The following KCNH5 variants were observed in gnomAD, a reference collection of about 807,000 sequenced individuals.
The protein encoded by KCNH5 is potassium voltage-gated channel subfamily H member 5.
In KCNH5, 46 loss-of-function variants were observed where a neutral mutation model predicts 96.1. The ratio of observed to expected loss-of-function variants is 0.48; its 90% confidence interval spans 0.38 to 0.61. The LOEUF is 0.61. KCNH5 is among the 20% of genes least tolerant of loss of function. The probability of loss-of-function intolerance (pLI) is 0.00; values close to 1 mark genes in which losing one functional copy is unlikely to be tolerated. For missense variants in KCNH5, 907 were observed against 1,225.8 expected (o/e 0.74, Z 3.88); for synonymous variants, 439 against 449.8 (o/e 0.98, Z 0.30).
chr14:62,840,566 C>CTTTTTTTTTTTTTTTTTTTTT (rs71120238), intron 8 of KCNH5, among the ~76,000 whole-genome samples: 7 of 76,366 alleles, frequency 9.2e-5, no homozygotes, highest in African/African-American at 1.2e-4. Flanking sequence ...TCTTTTTTTT[C>CTTTTTTTTTTTTTTTTTTTTT]TTTTTTTTTT....
chr14:62,908,079 C>T (rs896855768), intron 7 of KCNH5, among the ~76,000 whole-genome samples: 3 of 152,130 alleles, frequency 2.0e-5, no homozygotes, highest in African/African-American at 7.2e-5. Context: ...ACTACACAAA[C>T]TTTTGTGGGT....
chr14:62,935,124 C>A (rs1447746927), intron 7 of KCNH5, among the ~76,000 whole-genome samples: 1 of 152,112 alleles, frequency 6.6e-6, no homozygotes, highest in Non-Finnish European at 1.5e-5. Flanking sequence ...TAGCTCTGTA[C>A]AGAAAAATGA....
chr14:62,979,173 A>C (rs1456558766), intron 6 of KCNH5, among the ~76,000 whole-genome samples: 1 of 152,166 alleles, frequency 6.6e-6, no homozygotes, highest in Non-Finnish European at 1.5e-5. Flanking sequence ...CTAAAATCTC[A>C]ATGTATTAAT....
chr14:62,875,782 C>T (rs747649659), intron 7 of KCNH5, among the ~76,000 whole-genome samples: 21 of 151,976 alleles, frequency 1.4e-4, no homozygotes, highest in Admixed American at 2.6e-4. Context: ...TTTGGGAGGC[C>T]GAGGCAAGTG....
chr14:62,963,184 T>C (rs1448246898), intron 6 of KCNH5, among the ~76,000 whole-genome samples: 1 of 152,162 alleles, frequency 6.6e-6, no homozygotes, highest in Non-Finnish European at 1.5e-5. Context: ...CAGTACATTA[T>C]AGTAATTCTT....
Position 62,826,052 on chromosome 14 carries a change from A to G in KCNH5, c.1570-23471T>C, listed in dbSNP as rs149059601. On this transcript the variant is annotated intron_variant, in intron 8 of 10. Transcript: ENST00000322893. ...CTGTAGCTTACTGACTTTAATGTTT[A>G]AGTTACCTACATCCATTCTTATTTT... Among the ~76,000 whole-genome samples, 32 of 152,240 alleles carry G rather than the reference A, an allele frequency of 2.1e-4. No individual in the cohort carries two copies. In the East Asian group the frequency reaches 6.0e-3, roughly 28 times the overall value.
At chr14:63,036,771 G>A (rs893977865) in intron 1 of KCNH5, among the ~76,000 whole-genome samples, 1 of 152,076 alleles carries the variant, frequency 6.6e-6, no homozygotes, top group Non-Finnish European at 1.5e-5. Context: ...GAGGAGGGAG[G>A]AGGAGAGGAA....
chr14:62,854,927 G>A (rs112715828), intron 7 of KCNH5, among the ~76,000 whole-genome samples: 71 of 149,788 alleles, frequency 4.7e-4, no homozygotes, highest in African/African-American at 1.7e-3. Flanking sequence ...TCCATTGAGA[G>A]GCAAGGTCTA....
chr14:62,703,405 T>A lies in KCNH5; in HGVS notation c.*4103A>T, dbSNP rs189033717. The A allele has an allele frequency of 6.6e-6, 1 of 152,020 alleles. No individual in the cohort carries two copies. The highest frequency in any genetic ancestry group is 2.4e-5 in the African/African-American group (1 of 41,570). 9.4% of individuals were successfully genotyped at this position (152,020 alleles called of 1,614,324 possible). On this transcript the variant is annotated 3_prime_UTR_variant, in exon 11 of 11. Transcript: ENST00000322893. ...ATGAAAGAATGAAAAAGTGATCACT[T>A]GTCATAATGTGATTTTCACCTGCAA...
At chr14:62,761,557 C>T (rs912125100) in intron 10 of KCNH5, among the ~76,000 whole-genome samples, 2 of 152,044 alleles carry the variant, frequency 1.3e-5, no homozygotes, top group African/African-American at 4.8e-5. Context: ...ACTGTATGAT[C>T]AAATTTAGAT....
chr14:62,709,900 C>A (rs1005503250), intron 10 of KCNH5, among the ~76,000 whole-genome samples: 26 of 152,124 alleles, frequency 1.7e-4, no homozygotes, highest in Admixed American at 6.6e-5. Flanking sequence ...CAGAATCAGA[C>A]AATTTTATCA....
chr14:62,834,926 GC>G (rs1887434979), intron 8 of KCNH5, among the ~76,000 whole-genome samples: 1 of 151,816 alleles, frequency 6.6e-6, no homozygotes. Context: ...ACCCATAAAA[GC>G]TAAACTGTTT....
At chr14:62,979,029 T>G (rs981356848) in intron 6 of KCNH5, among the ~76,000 whole-genome samples, 20 of 152,186 alleles carry the variant, frequency 1.3e-4, no homozygotes, top group African/African-American at 4.8e-4. Context: ...AACTGAAGTT[T>G]TGTATTCTTC....
chr14:62,723,297 C>CA (rs1884855251), intron 10 of KCNH5, among the ~76,000 whole-genome samples: 2 of 151,982 alleles, frequency 1.3e-5, no homozygotes, highest in African/African-American at 4.8e-5. Flanking sequence ...TTCACTGTTA[C>CA]AAAAAACAGG....
At chr14:63,026,926 A>G (rs368771640) in intron 1 of KCNH5, among the ~76,000 whole-genome samples, 2 of 152,110 alleles carry the variant, frequency 1.3e-5, no homozygotes, top group African/African-American at 4.8e-5. Flanking sequence ...TCCACTATTT[A>G]CAGTAGCTAA....
intron 6 of KCNH5, among the ~76,000 whole-genome samples, chr14:62,969,426 G>C (rs997089528): frequency 3.9e-5 from 6 of 152,060 alleles, no homozygotes; most frequent in African/African-American, 1.4e-4. Flanking sequence ...TTGAAAATAG[G>C]ACATAAATTT....
intron 10 of KCNH5, among the ~76,000 whole-genome samples, chr14:62,744,482 A>G (rs1267475539): frequency 1.3e-5 from 2 of 152,212 alleles, no homozygotes; most frequent in Admixed American, 1.3e-4. Flanking sequence ...TACTTCCATC[A>G]TATCAGTTAT....
At chr14:62,797,901 G>A (rs1886573087) in intron 9 of KCNH5, among the ~76,000 whole-genome samples, 1 of 151,866 alleles carries the variant, frequency 6.6e-6, no homozygotes, top group African/African-American at 2.4e-5. Flanking sequence ...ATTTTTAGTA[G>A]AGATGGGGTT....
At chr14:62,906,236 AT>A (rs1197232755) in intron 7 of KCNH5, among the ~76,000 whole-genome samples, 1 of 152,210 alleles carries the variant, frequency 6.6e-6, no homozygotes, top group East Asian at 1.9e-4. Context: ...CTTACAGTCT[AT>A]CTAAAGGGGA....
Sources: gnomAD v4.1 joint callset for allele counts (sites outside exome capture counted in the v4.1 genomes callset) on GRCh38, gnomAD v4.1.1 for gene constraint, MANE v1.5 for transcripts, NCBI Gene and HGNC (gene_info 2026-07-23, HGNC 2026-07-21) for gene names.